TMEM196: variants seen among roughly 807,000 people sequenced by gnomAD.
TMEM196 encodes the protein transmembrane protein 196.
Under a neutral mutation model 20.0 loss-of-function variants are expected in TMEM196, and 17 were observed. The ratio of observed to expected loss-of-function variants is 0.85; its 90% confidence interval spans 0.58 to 1.27. TMEM196 has a LOEUF of 1.27. Ranked by LOEUF, TMEM196 falls within the 50% of genes most tolerant of loss-of-function variation. The probability of loss-of-function intolerance (pLI) is 0.00; values close to 1 mark genes in which losing one functional copy is unlikely to be tolerated. For synonymous variants in TMEM196, 113 were observed against 88.9 expected (o/e 1.27, Z -1.52); for missense variants, 267 against 223.0 (o/e 1.20, Z -1.26).
At chr7:19,724,011 G>C (rs577184832) in intron 4 of TMEM196, among the ~76,000 whole-genome samples, 1 of 152,080 alleles carries the variant, frequency 6.6e-6, no homozygotes, top group Non-Finnish European at 1.5e-5. Flanking sequence ...GACAATAAAA[G>C]GAGTCATGAA....
chr7:19,748,284 A>AAAAAC lies in TMEM196; in HGVS notation c.148-18847_148-18846insGTTTT, dbSNP rs1784837503. ...TGTCCAAAAAAAAAAAAAAAAAAAA[A>AAAAAC]AAAAAAACAGTGTAATGACAGAACT... On this transcript the variant is annotated intron_variant, in intron 1 of 4. Transcript: ENST00000405844. Among the ~76,000 whole-genome samples the AAAAAC allele has an allele frequency of 4.7e-5, 7 of 148,400 alleles. 1 individual carries two copies. Among genetic ancestry groups the AAAAAC allele is most frequent in the African/African-American group, 1.5e-4 (6 of 39,014 alleles).
At chr7:19,749,213 T>C (rs1784870582) in intron 1 of TMEM196, among the ~76,000 whole-genome samples, 1 of 152,176 alleles carries the variant, frequency 6.6e-6, no homozygotes, top group Non-Finnish European at 1.5e-5. Context: ...ATGAACAAGA[T>C]AAAAATAAAC....
intron 1 of TMEM196, among the ~76,000 whole-genome samples, chr7:19,757,852 A>C (rs534038391): frequency 2.0e-5 from 3 of 152,170 alleles, no homozygotes; most frequent in South Asian, 2.1e-4. Flanking sequence ...GCTGTACTCT[A>C]TCCATGGTTA....
chr7:19,748,511 T>C (rs1347605103), intron 1 of TMEM196, among the ~76,000 whole-genome samples: 1 of 152,146 alleles, frequency 6.6e-6, no homozygotes, highest in African/African-American at 2.4e-5. Flanking sequence ...TGTATACAGC[T>C]CATAAATGGC....
At chr7:19,768,081 G>A (rs924146775) in intron 1 of TMEM196, among the ~76,000 whole-genome samples, 4 of 152,004 alleles carry the variant, frequency 2.6e-5, no homozygotes, top group South Asian at 2.1e-4. Flanking sequence ...TGTAAATTTC[G>A]CTGAAGCAAA....
rs112508027 is a variant in TMEM196 at position 19,730,559 on chromosome 7, C to A, written c.148-1121G>T. On this transcript the variant is annotated intron_variant, in intron 1 of 4. Transcript: ENST00000405844. ...CAGATTTGTAAAGAAAATTTTTATTCGCAAAGAGAACTAGTTTTCACTGTT... is the reference window on the plus strand; with the variant it reads ...CAGATTTGTAAAGAAAATTTTTATTAGCAAAGAGAACTAGTTTTCACTGTT... Among the ~76,000 whole-genome samples, 1,296 of 152,176 alleles carry A rather than the reference C, an allele frequency of 8.5e-3. 5 individuals carry two copies. Among genetic ancestry groups the A allele is most frequent in the Admixed American group, 0.014 (209 of 15,290 alleles).
At position 19,719,844 on chromosome 7, in the gene TMEM196, G is replaced by A. The variant is rs1360695622; in HGVS notation, c.*2284C>T. The A allele has an allele frequency of 6.6e-6, 1 of 152,042 alleles. No homozygotes were observed. The highest frequency in any genetic ancestry group is 1.5e-5 in the Non-Finnish European group (1 of 67,956). 9.4% of individuals were successfully genotyped at this position (152,042 alleles called of 1,614,324 possible). A position where few individuals can be genotyped will look rare whatever the true frequency, so the allele number is the denominator to read the frequency against. On this transcript the variant is annotated 3_prime_UTR_variant, in exon 5 of 5. Coordinates refer to ENST00000405844, the MANE Select transcript of TMEM196 (RefSeq NM_001363562.2). ...CACTGTAAACTATTTGAATAATTGT[G>A]ATGATGGCATCTCTTTTTAACTATA...
At chr7:19,736,492 T>C (rs1437437335) in intron 1 of TMEM196, among the ~76,000 whole-genome samples, 2 of 150,862 alleles carry the variant, frequency 1.3e-5, no homozygotes, top group African/African-American at 4.9e-5. Context: ...TTAGCTTTCA[T>C]AATTCCTGAT....
chr7:19,726,870 A>T (rs947603450), intron 2 of TMEM196, among the ~76,000 whole-genome samples: 5 of 152,120 alleles, frequency 3.3e-5, no homozygotes. Flanking sequence ...GGGAACACAG[A>T]CTTATTCCAG....
At chr7:19,766,568 T>C (rs777723697) in intron 1 of TMEM196, among the ~76,000 whole-genome samples, 1 of 151,074 alleles carries the variant, frequency 6.6e-6, no homozygotes, top group Non-Finnish European at 1.5e-5. Context: ...ATGATAAATA[T>C]AGGATCATAT....
intron 2 of TMEM196, among the ~76,000 whole-genome samples, chr7:19,728,435 T>C (rs1433533724): frequency 2.0e-5 from 3 of 152,170 alleles, no homozygotes; most frequent in Non-Finnish European, 2.9e-5. Flanking sequence ...TTTTTAAAAA[T>C]TACATCTAAA....
At chr7:19,725,976 A>G (rs1264626260) in intron 2 of TMEM196, among the ~76,000 whole-genome samples, 1 of 152,134 alleles carries the variant, frequency 6.6e-6, no homozygotes, top group Non-Finnish European at 1.5e-5. Flanking sequence ...AGACAGAGGG[A>G]GTATACCACA....
chr7:19,724,490 C>A, intron 3 of TMEM196, 137 bp from the exon 4 acceptor site: 1 of 752,786 alleles, frequency 1.3e-6, no homozygotes, highest in Non-Finnish European at 2.1e-6. Flanking sequence ...TTTTAACAAT[C>A]ATTTCTTTAA....
chr7:19,764,663 C>G (rs1335642186), intron 1 of TMEM196, among the ~76,000 whole-genome samples: 1 of 152,148 alleles, frequency 6.6e-6, no homozygotes, highest in Non-Finnish European at 1.5e-5. Context: ...GCTATACTGA[C>G]CAGCCCTCAT....
intron 1 of TMEM196, among the ~76,000 whole-genome samples, chr7:19,757,475 C>A (rs569252375): frequency 6.6e-6 from 1 of 151,316 alleles, no homozygotes; most frequent in East Asian, 2.0e-4. Flanking sequence ...CTCCTAACCT[C>A]AATTGATCCA....
intron 2 of TMEM196, 53 bp downstream of exon 2, chr7:19,729,329 A>C (rs1195831867): frequency 3.4e-6 from 5 of 1,483,554 alleles, no homozygotes; most frequent in Non-Finnish European, 4.5e-6. Flanking sequence ...TCTATTTTAG[A>C]ATTTTACGTT....
rs563190849 is a variant in TMEM196 at position 19,719,346 on chromosome 7, A to G, written c.*2782T>C. On this transcript the variant is annotated 3_prime_UTR_variant, in exon 5 of 5. Transcript: ENST00000405844. ...CAAAGCACATCATTTTATTATAGAC[A>G]TGTCAGTAGAGTTATCATTTCCTGT... is the stretch of plus-strand genomic sequence containing the variant. The G allele has an allele frequency of 6.6e-6, 1 of 150,440 alleles. No individual in the cohort carries two copies. The highest frequency in any genetic ancestry group is 1.5e-5 in the Non-Finnish European group (1 of 66,970). The allele number at this position is 150,440 out of a possible 1,614,324, so 9.3% of individuals were successfully genotyped here.
chr7:19,727,242 A>G (rs978979142), intron 2 of TMEM196, among the ~76,000 whole-genome samples: 2 of 152,194 alleles, frequency 1.3e-5, no homozygotes, highest in African/African-American at 4.8e-5. Context: ...GAGAAGATCC[A>G]GAATTTTAAC....
intron 1 of TMEM196, among the ~76,000 whole-genome samples, chr7:19,766,814 A>G (rs1785650736): frequency 6.6e-6 from 1 of 151,988 alleles, no homozygotes; most frequent in South Asian, 2.1e-4. Context: ...CAATATGATT[A>G]ATTGTTGCAT....
Sources: gnomAD v4.1 joint callset for allele counts (sites outside exome capture counted in the v4.1 genomes callset) on GRCh38, gnomAD v4.1.1 for gene constraint, MANE v1.5 for transcripts, NCBI Gene and HGNC (gene_info 2026-07-23, HGNC 2026-07-21) for gene names.